Variants in GAREM1 observed in about 807,000 individuals in gnomAD.
GAREM1 encodes GRB2 associated regulator of MAPK1 subtype 1, also known as GRB2-associated and regulator of MAPK protein 1.
A neutral mutation model predicts 71.3 loss-of-function variants in GAREM1; 26 were observed. The observed-to-expected ratio is 0.36, with a 90% CI of 0.27 to 0.51. The LOEUF (loss-of-function observed/expected upper bound fraction) is 0.51, where lower values mean the gene tolerates loss of function less well. Among genes scored for constraint, GAREM1 ranks in the 20% least tolerant of loss-of-function variants. The pLI, the probability that GAREM1 is intolerant of heterozygous loss-of-function variation, is 0.95. For missense variants in GAREM1, 1,026 were observed against 1,103.1 expected, an observed-to-expected ratio of 0.93 and a Z score of 0.99; for synonymous variants, 440 against 433.2, an observed-to-expected ratio of 1.02 and a Z score of -0.20.
intron 2 of GAREM1, among the ~76,000 whole-genome samples, chr18:32,366,472 G>C (rs1168630311): frequency 6.6e-6 from 1 of 152,156 alleles, no homozygotes; most frequent in Non-Finnish European, 1.5e-5. Flanking sequence ...GCAAGAAAGA[G>C]ACTTTAAAGT....
At chr18:32,368,889 C>T (rs981984758) in intron 2 of GAREM1, among the ~76,000 whole-genome samples, 1 of 152,036 alleles carries the variant, frequency 6.6e-6, no homozygotes. Flanking sequence ...CCTAGCACTT[C>T]AGTTTAAATA....
At position 32,268,194 on chromosome 18, in the gene GAREM1, T is replaced by A. The variant is rs2041402764; in HGVS notation, c.2308A>T (p.Lys770Ter). The change falls in exon 6 of 6, where the codon AAA (lysine) becomes TAA (stop). Residue 770 changes from lysine (K) to a stop codon, truncating the protein, a stop_gained. Transcript: ENST00000269209. LOFTEE classifies it high-confidence loss of function. ...PDLSEDQYFV[K>*]KGMQDIFSAS... ...GAGAAGATGTCCTGCATGCCCTTTT[T>A]AACAAAATACTGGTCCTCCGAGAGA... 6.2e-7 allele frequency: 1 copy of A among 1,614,116 alleles called. No individual in the cohort carries two copies. The highest frequency in any genetic ancestry group is 8.5e-7 in the Non-Finnish European group (1 of 1,180,020).
chr18:32,442,435 T>C (rs1205351843), intron 1 of GAREM1, among the ~76,000 whole-genome samples: 2 of 152,128 alleles, frequency 1.3e-5, no homozygotes, highest in Non-Finnish European at 2.9e-5. Context: ...TTTTAAGAGA[T>C]CTTAACACTT....
chr18:32,321,104 TA>T (rs1276763480), intron 2 of GAREM1, among the ~76,000 whole-genome samples: 2 of 152,148 alleles, frequency 1.3e-5, no homozygotes, highest in Admixed American at 1.3e-4. Flanking sequence ...AAATACAACC[TA>T]AAACAAATCC....
intron 2 of GAREM1, among the ~76,000 whole-genome samples, chr18:32,322,870 A>G (rs1387918681): frequency 6.6e-6 from 1 of 152,150 alleles, no homozygotes; most frequent in East Asian, 1.9e-4. Flanking sequence ...TCTTAATTAG[A>G]CCGCAGTGCC....
At chr18:32,364,026 ATGTTTT>A (rs1407167738) in intron 2 of GAREM1, among the ~76,000 whole-genome samples, 32 of 46,390 alleles carry the variant, frequency 6.9e-4, no homozygotes, top group African/African-American at 4.6e-3. Flanking sequence ...ATATATATAT[ATGTTTT>A]TTTTTTTTTT....
intron 1 of GAREM1, among the ~76,000 whole-genome samples, chr18:32,419,234 T>C (rs1047247530): frequency 6.6e-6 from 1 of 152,144 alleles, no homozygotes; most frequent in African/African-American, 2.4e-5. Flanking sequence ...TGTGACCAAC[T>C]AGGGAAATCT....
intron 2 of GAREM1, among the ~76,000 whole-genome samples, chr18:32,379,576 C>T (rs11874599): frequency 0.02 from 3,018 of 147,232 alleles, 120 homozygotes; most frequent in African/African-American, 0.069. Flanking sequence ...TGGTGGTGTG[C>T]GCCTGTAGTC....
At chr18:32,312,553 ACCAGAAATAATAAG>A (rs2047335137) in intron 2 of GAREM1, among the ~76,000 whole-genome samples, 1 of 152,178 alleles carries the variant, frequency 6.6e-6, no homozygotes, top group African/African-American at 2.4e-5. Flanking sequence ...AGAGAGAGAA[ACCAGAAATAATAAG>A]AATGGGCACC....
chr18:32,412,511 G>C, intron 1 of GAREM1: 1 of 1,596,490 alleles, frequency 6.3e-7, no homozygotes, highest in Non-Finnish European at 8.5e-7. Context: ...CACGACCACT[G>C]AAGTTTCCTC....
intron 2 of GAREM1, among the ~76,000 whole-genome samples, chr18:32,370,490 TTTTGCTA>T (rs1242059298): frequency 6.6e-6 from 1 of 152,150 alleles, no homozygotes; most frequent in Non-Finnish European, 1.5e-5. Context: ...TACAATCATG[TTTTGCTA>T]AATTATTTAA....
In GAREM1 at chr18:32,264,723, A is replaced by G. The variant is rs2041349723; in HGVS notation, c.*3148T>C. The G allele has an allele frequency of 6.6e-6, 1 of 152,250 alleles. No homozygotes were observed. Among genetic ancestry groups the G allele is most frequent in the Admixed American group, 6.5e-5 (1 of 15,288 alleles). 9.4% of individuals were successfully genotyped at this position (152,250 alleles called of 1,614,324 possible). A position where few individuals can be genotyped will look rare whatever the true frequency, so the allele number is the denominator to read the frequency against. The stretch of plus-strand genomic sequence containing the variant: ...CATAAAGTTGAGCAGCTCAACTTAA[A>G]GAAGAGAAAACTTGCAAGATTGATC... On this transcript the variant is annotated 3_prime_UTR_variant, in exon 6 of 6. Coordinates refer to ENST00000269209, the MANE Select transcript of GAREM1 (RefSeq NM_001242409.2).
At chr18:32,324,728 G>T (rs2047459578) in intron 2 of GAREM1, among the ~76,000 whole-genome samples, 1 of 152,150 alleles carries the variant, frequency 6.6e-6, no homozygotes, top group African/African-American at 2.4e-5. Flanking sequence ...TTTTGTCAAG[G>T]TTAGAGACAC....
At chr18:32,288,226 T>G in intron 3 of GAREM1, 23 bp from the exon 4 acceptor site, 1 of 1,538,588 alleles carries the variant, frequency 6.5e-7, no homozygotes, top group Non-Finnish European at 8.8e-7. Flanking sequence ...AAATCACATT[T>G]TACGTTCATT....
chr18:32,435,539 T>G (rs2048667790), intron 1 of GAREM1, among the ~76,000 whole-genome samples: 1 of 152,146 alleles, frequency 6.6e-6, no homozygotes, highest in Non-Finnish European at 1.5e-5. Context: ...TGGTAGATTT[T>G]CCAAGATATC....
intron 1 of GAREM1, among the ~76,000 whole-genome samples, chr18:32,411,127 A>G (rs775724177): frequency 1.1e-4 from 16 of 152,186 alleles, no homozygotes; most frequent in Admixed American, 3.3e-4. Context: ...TTCTTCTTCA[A>G]TCAGTTCCCT....
intron 1 of GAREM1, among the ~76,000 whole-genome samples, chr18:32,464,409 C>A (rs1229623515): frequency 2.0e-5 from 3 of 152,170 alleles, no homozygotes; most frequent in African/African-American, 7.2e-5. Context: ...GTCTCAGGTA[C>A]CTGAGAGGCT....
At position 32,392,910 on chromosome 18, in the gene GAREM1, G is replaced by T; in HGVS notation, c.247C>A (p.Pro83Thr). ...GGAGTCTTACCTGCATAATGTACCG[G>T]AATCTCTATCTTTGGCCCAATGACA... The part of the protein sequence containing the change: ...HYVIGPKIEI[P>T]VHYAGQFKLL... The change falls in exon 2 of 6, where the codon CCG (proline) becomes ACG (threonine). Residue 83 changes from proline (P) to threonine (T), a missense_variant. Pro to Thr is a conservative substitution (Grantham distance 38, BLOSUM62 -1). Transcript: ENST00000269209. 1 of 1,613,690 alleles carries T rather than the reference G, an allele frequency of 6.2e-7. No individual in the cohort carries two copies. The highest frequency in any genetic ancestry group is 8.5e-7 in the Non-Finnish European group (1 of 1,179,796).
At chr18:32,420,424 T>C (rs2048508702) in intron 1 of GAREM1, among the ~76,000 whole-genome samples, 1 of 151,530 alleles carries the variant, frequency 6.6e-6, no homozygotes, top group African/African-American at 2.4e-5. Context: ...TGATTTAAAC[T>C]CCTACACATC....
Sources: allele counts gnomAD v4.1 joint callset (sites outside exome capture counted in the v4.1 genomes callset), GRCh38; gene constraint gnomAD v4.1.1; transcripts MANE v1.5; gene names NCBI Gene and HGNC (gene_info 2026-07-23, HGNC 2026-07-21).